TAOK1: variants seen among roughly 807,000 people sequenced by gnomAD.
TAOK1 encodes the protein serine/threonine-protein kinase TAO1.
In TAOK1, 21 loss-of-function variants were observed where a neutral mutation model predicts 138.3. The ratio of observed to expected loss-of-function variants is 0.15; its 90% CI spans 0.11 to 0.22. The LOEUF (loss-of-function observed/expected upper bound fraction) is 0.22, where lower values mean the gene tolerates loss of function less well. Ranked by LOEUF, TAOK1 falls within the 10% of genes least tolerant of loss-of-function variation. The pLI is 1.00. For missense variants in TAOK1, 651 were observed against 1,227.7 expected, an observed-to-expected ratio of 0.53 and a Z score of 7.02; for synonymous variants, 361 against 398.4, an observed-to-expected ratio of 0.91 and a Z score of 1.12.
At chr17:29,437,501 T>C (rs1906071502) in intron 1 of TAOK1, among the ~76,000 whole-genome samples, 1 of 152,116 alleles carries the variant, frequency 6.6e-6, no homozygotes, top group Non-Finnish European at 1.5e-5. Context: ...CCGGCCTATG[T>C]ATTTCTTAAA....
rs374361517 is a variant in TAOK1, at chr17:29,515,366, A to ATCT, written c.1705-2083_1705-2081dup. Among the ~76,000 whole-genome samples the ATCT allele has an allele frequency of 3.1e-3, 476 of 152,302 alleles. 2 individuals carry two copies. Among genetic ancestry groups the ATCT allele is most frequent in the African/African-American group, 0.011 (463 of 41,574 alleles). ...CTCGTGATTTTTACCTGAAAGTACT[A>ATCT]TCTTCTGTCTCTTCTTGGGAAGGTT... On this transcript the variant is annotated intron_variant, in intron 15 of 19. Transcript: ENST00000261716.
chr17:29,475,409 G>A (rs2030923365), intron 3 of TAOK1, among the ~76,000 whole-genome samples: 1 of 152,094 alleles, frequency 6.6e-6, no homozygotes, highest in Non-Finnish European at 1.5e-5. Context: ...GCATGGTGGT[G>A]TGCGCCTGTA....
intron 19 of TAOK1, among the ~76,000 whole-genome samples, chr17:29,538,110 CA>C (rs752543117): frequency 0.31 from 19,994 of 65,194 alleles, 1,217 homozygotes; most frequent in Non-Finnish European, 0.37. Context: ...GACTCCATCT[CA>C]AAAAAAAAAA....
intron 1 of TAOK1, among the ~76,000 whole-genome samples, chr17:29,425,750 AT>A (rs1260397443): frequency 6.6e-6 from 1 of 152,248 alleles, no homozygotes; most frequent in Admixed American, 6.5e-5. Flanking sequence ...ATGTTTGAAA[AT>A]ATCATTCTTG....
chr17:29,408,228 T>G (rs865996079), intron 1 of TAOK1, among the ~76,000 whole-genome samples: 1 of 150,966 alleles, frequency 6.6e-6, no homozygotes, highest in Non-Finnish European at 1.5e-5. Context: ...TAAGGTTTTT[T>G]TTTTTTTTTT....
In TAOK1 at chr17:29,390,536, C is replaced by T. The variant is rs1231188338; in HGVS notation, c.-583C>T. The T allele has an allele frequency of 1.3e-5, 2 of 152,578 alleles. No individual in the cohort carries two copies. Among genetic ancestry groups the T allele is most frequent in the African/African-American group, 4.8e-5 (2 of 41,442 alleles). 9.5% of individuals were successfully genotyped at this position (152,578 alleles called of 1,614,324 possible). A position where few individuals can be genotyped will look rare whatever the true frequency, so the allele number is the denominator to read the frequency against. ...GCGAACATCTGAGGCCTCCCGGCCC[C>T]GGGGGACCCCGCCCCGCCGTCCGCC... On this transcript the variant is annotated 5_prime_UTR_variant, in exon 1 of 20. Coordinates refer to ENST00000261716, the MANE Select transcript of TAOK1 (RefSeq NM_020791.4).
chr17:29,495,277 T>C (rs1219666006), intron 10 of TAOK1, among the ~76,000 whole-genome samples: 2 of 152,194 alleles, frequency 1.3e-5, no homozygotes, highest in Non-Finnish European at 2.9e-5. Flanking sequence ...AGAGCTCTGA[T>C]TGGACTTAAT....
rs1598537674 is a variant in TAOK1 at position 29,550,777 on chromosome 17, C to T, written c.*7755C>T. On this transcript the variant is annotated 3_prime_UTR_variant, in exon 20 of 20. Transcript: ENST00000261716. ...TGTACTCATTTCCCTTTGTTTTCCT[C>T]AAACAGCATGATTTTTTTGCACATG... 6.6e-6 allele frequency: 1 copy of T among 152,364 alleles called. No individual in the cohort carries two copies. Among genetic ancestry groups the T allele is most frequent in the African/African-American group, 2.4e-5 (1 of 41,426 alleles). 9.4% of individuals were successfully genotyped at this position (152,364 alleles called of 1,614,324 possible). A position where few individuals can be genotyped will look rare whatever the true frequency, so the allele number is the denominator to read the frequency against.
chr17:29,543,078 A>G lies in TAOK1; in HGVS notation c.*56A>G, dbSNP rs980492477. On this transcript the variant is annotated 3_prime_UTR_variant, in exon 20 of 20. Coordinates refer to ENST00000261716, the MANE Select transcript of TAOK1 (RefSeq NM_020791.4). ...AGCTGTCTGCCAAAAGAAACTGCCT[A>G]CAGACATCATCACAGCAGCCTCCTC... 1 of 1,437,522 alleles carries G rather than the reference A, an allele frequency of 7.0e-7. No individual in the cohort carries two copies. The highest frequency in any genetic ancestry group is 1.4e-5 in the South Asian group (1 of 72,540). The allele number at this position is 1,437,522 out of a possible 1,614,324, so 89.0% of individuals were successfully genotyped here. A position where few individuals can be genotyped will look rare whatever the true frequency, so the allele number is the denominator to read the frequency against.
chr17:29,420,851 G>A (rs1448935910), intron 1 of TAOK1, among the ~76,000 whole-genome samples: 1 of 152,060 alleles, frequency 6.6e-6, no homozygotes, highest in African/African-American at 2.4e-5. Context: ...CAAAGTGCTA[G>A]GATTACAGGT....
chr17:29,498,925 CAA>C (rs75922490), intron 12 of TAOK1, among the ~76,000 whole-genome samples: 1 of 135,442 alleles, frequency 7.4e-6, no homozygotes. Flanking sequence ...GACCCTATCT[CAA>C]AAAAAAAAAA....
At chr17:29,404,531 C>T (rs375797112) in intron 1 of TAOK1, among the ~76,000 whole-genome samples, 1 of 152,134 alleles carries the variant, frequency 6.6e-6, no homozygotes, top group East Asian at 1.9e-4. Flanking sequence ...ATATCTTCCG[C>T]CTGTAATCCC....
intron 14 of TAOK1, among the ~76,000 whole-genome samples, chr17:29,508,600 A>G (rs906942118): frequency 6.6e-6 from 1 of 152,164 alleles, no homozygotes; most frequent in Non-Finnish European, 1.5e-5. Context: ...TAAATCTCCT[A>G]TCATTAGGTG....
At chr17:29,466,749 A>G (rs1382333877) in intron 2 of TAOK1, among the ~76,000 whole-genome samples, 1 of 151,992 alleles carries the variant, frequency 6.6e-6, no homozygotes, top group African/African-American at 2.4e-5. Context: ...TACTCATGTT[A>G]TTGTCTTTAG....
intron 15 of TAOK1, among the ~76,000 whole-genome samples, chr17:29,515,565 G>C (rs2031799095): frequency 6.6e-6 from 1 of 152,150 alleles, no homozygotes; most frequent in African/African-American, 2.4e-5. Context: ...GCCGGGTGCA[G>C]TGGCTCACAC....
intron 1 of TAOK1, among the ~76,000 whole-genome samples, chr17:29,413,318 C>G (rs963147619): frequency 6.6e-6 from 1 of 151,946 alleles, no homozygotes; most frequent in Non-Finnish European, 1.5e-5. Flanking sequence ...CATTTTAGGC[C>G]GGGTATGGTG....
rs543960681 is a variant in TAOK1 at position 29,475,412 on chromosome 17, C to T, written c.205-258C>T. Among the ~76,000 whole-genome samples the T allele has an allele frequency of 7.2e-5, 11 of 152,058 alleles. No homozygotes were observed. The South Asian group carries it at 1.9e-3, about 26-fold the overall frequency. ...AAAATTAGATGAGCATGGTGGTGTGCGCCTGTAGACCCAAATACTTGGGAG... is the reference window on the plus strand; with the variant it reads ...AAAATTAGATGAGCATGGTGGTGTGTGCCTGTAGACCCAAATACTTGGGAG... On this transcript the variant is annotated intron_variant, in intron 3 of 19. Transcript: ENST00000261716.
At chr17:29,440,120 C>G (rs550888607) in intron 1 of TAOK1, among the ~76,000 whole-genome samples, 1 of 152,262 alleles carries the variant, frequency 6.6e-6, no homozygotes, top group African/African-American at 2.4e-5. Flanking sequence ...TTCACCCTGT[C>G]TTGCATTTAC....
intron 15 of TAOK1, chr17:29,513,784 A>C (rs1437909466): frequency 6.6e-6 from 1 of 152,114 alleles, no homozygotes; most frequent in East Asian, 1.9e-4. Context: ...TCTACTAAAA[A>C]TACAAAAAAA....
Sources: gnomAD v4.1 joint callset for allele counts (sites outside exome capture counted in the v4.1 genomes callset) on GRCh38, gnomAD v4.1.1 for gene constraint, MANE v1.5 for transcripts, NCBI Gene and HGNC (gene_info 2026-07-23, HGNC 2026-07-21) for gene names.